The following POU4F2 variants were observed in gnomAD, a reference collection of about 807,000 sequenced individuals.
POU4F2 encodes the protein POU class 4 homeobox 2, also known as POU domain, class 4, transcription factor 2.
POU4F2 carries 10 observed loss-of-function variants against 21.5 expected under a neutral mutation model. The observed-to-expected ratio is 0.46, with a 90% CI of 0.29 to 0.79. POU4F2 has a LOEUF of 0.79. Ranked by LOEUF, POU4F2 falls within the 30% of genes least tolerant of loss-of-function variation. The pLI, the probability that POU4F2 is intolerant of heterozygous loss-of-function variation, is 0.10. For synonymous variants in POU4F2, 324 were observed against 271.1 expected, an observed-to-expected ratio of 1.20 and a Z score of -1.92; for missense variants, 623 against 603.3, an observed-to-expected ratio of 1.03 and a Z score of -0.34.
Position 146,639,980 on chromosome 4 carries a change from C to G in POU4F2, c.402C>G (p.Ser134Arg). The G allele has an allele frequency of 6.2e-7, 1 of 1,613,164 alleles. No homozygotes were observed. Among genetic ancestry groups the G allele is most frequent in the African/African-American group, 1.3e-5 (1 of 75,048 alleles). Residue 134 changes from serine (S) to arginine (R), a missense_variant, in exon 2 of 2, where the codon AGC becomes AGG. This residue lies in a region of POU4F2 where 523 missense variants were observed against 504.1 expected (regional missense o/e 1.04). Coordinates refer to ENST00000281321, the MANE Select transcript of POU4F2 (RefSeq NM_004575.3). ...ACCACCACCATCCACCCCACCACAG[C>G]CCCTTCAAACCGGACGCCACCTACC... Reference protein sequence around the residue: ...KSHHHHPPHHSPFKPDATYHT... With the variant: ...KSHHHHPPHHRPFKPDATYHT...
intron 1 of POU4F2, 131 bp from the exon 2 acceptor site, chr4:146,639,736 T>C (rs1021321640): frequency 3.4e-5 from 33 of 983,636 alleles, no homozygotes; most frequent in Middle Eastern, 2.7e-4. Context: ...AGGATTATTA[T>C]TATTATTATT....
In POU4F2 at chr4:146,640,901, A is replaced by G. The variant is rs1270219860; in HGVS notation, c.*93A>G. On this transcript the variant is annotated 3_prime_UTR_variant, in exon 2 of 2. Transcript: ENST00000281321. This position sits in a 1 kb window ranked among gnomAD's most constrained non-coding sequence, Gnocchi z 4.8. ...TTTTCACTTTTGGCGACTAGAAACAATTCCAGTAAATGTGAATCTCGACAA... is the reference window on the plus strand; with the variant it reads ...TTTTCACTTTTGGCGACTAGAAACAGTTCCAGTAAATGTGAATCTCGACAA... 10 of 1,302,752 alleles carry G rather than the reference A, an allele frequency of 7.7e-6. No individual in the cohort carries two copies. The Admixed American group carries it at 2.8e-4, about 37-fold the overall frequency. The allele number at this position is 1,302,752 out of a possible 1,614,324, so 80.7% of individuals were successfully genotyped here.
chr4:146,640,929 C>G lies in POU4F2; in HGVS notation c.*121C>G. On this transcript the variant is annotated 3_prime_UTR_variant, in exon 2 of 2. Transcript: ENST00000281321. The surrounding 1 kb of genome is among the most constrained non-coding windows in gnomAD (Gnocchi z 4.8). ...CCAGTAAATGTGAATCTCGACAAAT[C>G]GAGGACTGAAGAGGGAGCGAACGAG... 8.8e-7 allele frequency: 1 copy of G among 1,130,698 alleles called. No homozygotes were observed. Among genetic ancestry groups the G allele is most frequent in the South Asian group, 1.7e-5 (1 of 57,490 alleles). 70.0% of individuals were successfully genotyped at this position (1,130,698 alleles called of 1,614,324 possible).
At position 146,639,239 on chromosome 4, in the gene POU4F2, G is replaced by T. The variant is rs746499405; in HGVS notation, c.99G>T (p.Ser33=). ...AGTACTCGGCACTGCACAGCACCTC[G>T]CCGGGCTCCTCGGCTCCCATCGCGC... ...EPKYSALHST[S]PGSSAPIAPS... Residue 33 remains serine (S), a synonymous_variant, in exon 1 of 2, where the codon TCG becomes TCT. Coordinates refer to ENST00000281321, the MANE Select transcript of POU4F2 (RefSeq NM_004575.3). The T allele has an allele frequency of 1.9e-6, 3 of 1,591,164 alleles. No individual in the cohort carries two copies. Among genetic ancestry groups the T allele is most frequent in the African/African-American group, 1.4e-5 (1 of 72,406 alleles).
chr4:146,639,077 G>C lies in POU4F2; in HGVS notation c.-64G>C. The C allele has an allele frequency of 6.4e-7, 1 of 1,553,074 alleles. No individual in the cohort carries two copies. Among genetic ancestry groups the C allele is most frequent in the Non-Finnish European group, 8.6e-7 (1 of 1,156,540 alleles). On this transcript the variant is annotated 5_prime_UTR_variant, in exon 1 of 2. Coordinates refer to ENST00000281321, the MANE Select transcript of POU4F2 (RefSeq NM_004575.3). Reference sequence around the variant, plus strand: ...AGCCCCGGCTGGCCCGGCACTTCTCGGAGGGTCCCGGCAGCCGGGACCAGT... The same window carrying C: ...AGCCCCGGCTGGCCCGGCACTTCTCCGAGGGTCCCGGCAGCCGGGACCAGT...
At position 146,639,114 on chromosome 4, in the gene POU4F2, C is replaced by A; in HGVS notation, c.-27C>A. On this transcript the variant is annotated 5_prime_UTR_variant, in exon 1 of 2. Coordinates refer to ENST00000281321, the MANE Select transcript of POU4F2 (RefSeq NM_004575.3). ...CAGCCGGGACCAGTGAGTGCCTCTA[C>A]GGACCAGCGCCCCGGCGGGCGGGAA... 4 of 1,597,728 alleles carry A rather than the reference C, an allele frequency of 2.5e-6. No individual in the cohort carries two copies. The South Asian group carries it at 4.5e-5, about 18-fold the overall frequency.
chr4:146,640,203 G>A lies in POU4F2; in HGVS notation c.625G>A (p.Asp209Asn), dbSNP rs1398191555. Reference protein sequence around the residue: ...GLALGAMAGPDGAVVSTPAHA... With the variant: ...GLALGAMAGPNGAVVSTPAHA... ...GGCCCTGGGCGCTATGGCGGGCCCC[G>A]ACGGCGCTGTGGTGTCCACGCCGGC... Residue 209 changes from aspartate to asparagine, a missense_variant, in exon 2 of 2, where the codon GAC (aspartate) becomes AAC (asparagine). Physicochemically the swap from Asp to Asn is conservative, Grantham distance 23 (BLOSUM62 1). Coordinates refer to ENST00000281321, the MANE Select transcript of POU4F2 (RefSeq NM_004575.3). This position sits in a 1 kb window ranked among gnomAD's most constrained non-coding sequence, Gnocchi z 4.8. The A allele has an allele frequency of 1.3e-6, 2 of 1,568,270 alleles. No individual in the cohort carries two copies. Among genetic ancestry groups the A allele is most frequent in the East Asian group, 2.4e-5 (1 of 42,486 alleles).
In POU4F2 at chr4:146,640,619, C is replaced by G; in HGVS notation, c.1041C>G (p.Arg347=). The G allele has an allele frequency of 3.1e-6, 5 of 1,614,240 alleles. No individual in the cohort carries two copies. Among genetic ancestry groups the G allele is most frequent in the Non-Finnish European group, 4.2e-6 (5 of 1,180,030 alleles). The change falls in exon 2 of 2, where the codon CGC becomes CGG. Residue 347 remains arginine, a synonymous_variant. Transcript: ENST00000281321. The surrounding 1 kb of genome is among the most constrained non-coding windows in gnomAD (Gnocchi z 4.8). ...TCTTCAATGGCGCGGAGAAGAAGCG[C>G]AAGCGCACGTCCATCGCTGCGCCAG... ...PELFNGAEKK[R]KRTSIAAPEK... is the part of the protein sequence containing the mutation.
rs1488827808 is a variant in POU4F2, at chr4:146,640,424, G to A, written c.846G>A (p.Ala282=). ...TGACCCAGGCAGATGTGGGCTCCGC[G>A]CTGGCCAACCTCAAGATCCCCGGCG... The part of the protein sequence containing the change: ...LGVTQADVGS[A]LANLKIPGVG... The change falls in exon 2 of 2, where the codon GCG becomes GCA. Residue 282 remains alanine (A), a synonymous_variant. Transcript: ENST00000281321. This position sits in a 1 kb window ranked among gnomAD's most constrained non-coding sequence, Gnocchi z 4.8. 1.2e-6 allele frequency: 2 copies of A among 1,612,382 alleles called. No individual in the cohort carries two copies. The highest frequency in any genetic ancestry group is 2.2e-5 in the South Asian group (2 of 91,080).
chr4:146,639,619 G>C (rs1213493165), intron 1 of POU4F2, among the ~76,000 whole-genome samples, 191 bp downstream of exon 1: 1 of 151,808 alleles, frequency 6.6e-6, no homozygotes, highest in Non-Finnish European at 1.5e-5. Context: ...TTGCCTGTGC[G>C]CGTGTTGTGT....
At position 146,641,138 on chromosome 4, in the gene POU4F2, A is replaced by C; in HGVS notation, c.*330A>C. 4.4e-6 allele frequency: 1 copy of C among 228,212 alleles called. No homozygotes were observed. The highest frequency in any genetic ancestry group is 8.4e-6 in the Non-Finnish European group (1 of 119,102). The allele number at this position is 228,212 out of a possible 1,614,324, so 14.1% of individuals were successfully genotyped here. On this transcript the variant is annotated 3_prime_UTR_variant, in exon 2 of 2. Coordinates refer to ENST00000281321, the MANE Select transcript of POU4F2 (RefSeq NM_004575.3). ...CGAGACAGTGTTTAAAAAGTCCACAAGAATGATCAAGTAAGATTTGTTTTT... is the reference window on the plus strand; with the variant it reads ...CGAGACAGTGTTTAAAAAGTCCACACGAATGATCAAGTAAGATTTGTTTTT...
chr4:146,640,255 A>G lies in POU4F2; in HGVS notation c.677A>G (p.Asn226Ser). 1 of 1,577,288 alleles carries G rather than the reference A, an allele frequency of 6.3e-7. No individual in the cohort carries two copies. The highest frequency in any genetic ancestry group is 8.6e-7 in the Non-Finnish European group (1 of 1,166,082). The change falls in exon 2 of 2, where the codon AAC becomes AGC. Residue 226 changes from asparagine (N) to serine (S), a missense_variant. Physicochemically the swap from Asn to Ser is conservative, Grantham distance 46 (BLOSUM62 1). This residue lies in a region of POU4F2 where 523 missense variants were observed against 504.1 expected (regional missense o/e 1.04). Transcript: ENST00000281321. This position sits in a 1 kb window ranked among gnomAD's most constrained non-coding sequence, Gnocchi z 4.8. Reference sequence around the variant, plus strand: ...CACGCGCCGCACATGGCCACCATGAACCCCATGCACCAAGCAGCGCTCAGC... The same window carrying G: ...CACGCGCCGCACATGGCCACCATGAGCCCCATGCACCAAGCAGCGCTCAGC... ...PAHAPHMATM[N>S]PMHQAALSMA...
At position 146,639,128 on chromosome 4, in the gene POU4F2, G is replaced by A. The variant is rs755908399; in HGVS notation, c.-13G>A. The A allele has an allele frequency of 6.9e-6, 11 of 1,601,102 alleles. No homozygotes were observed. In the South Asian group the frequency reaches 9.0e-5, roughly 13 times the overall value. On this transcript the variant is annotated 5_prime_UTR_variant, in exon 1 of 2. Transcript: ENST00000281321. ...GAGTGCCTCTACGGACCAGCGCCCC[G>A]GCGGGCGGGAAGATGATGATGATGT...
Position 146,640,169 on chromosome 4 carries a change from T to C in POU4F2, c.591T>C (p.Ser197=), listed in dbSNP as rs1740849641. Residue 197 remains serine, a synonymous_variant, in exon 2 of 2, where the codon AGT becomes AGC. Transcript: ENST00000281321. This position sits in a 1 kb window ranked among gnomAD's most constrained non-coding sequence, Gnocchi z 4.8. ...ALEGELLEHL[S]PGLALGAMAG... ...AGGGCGAGCTGCTGGAGCACCTGAG[T>C]CCCGGGCTGGCCCTGGGCGCTATGG... 1.3e-6 allele frequency: 2 copies of C among 1,591,402 alleles called. No individual in the cohort carries two copies. Among genetic ancestry groups the C allele is most frequent in the Non-Finnish European group, 8.5e-7 (1 of 1,175,394 alleles).
Position 146,640,826 on chromosome 4 carries a change from C to A in POU4F2, c.*18C>A. 6.4e-7 allele frequency: 1 copy of A among 1,554,928 alleles called. No homozygotes were observed. The highest frequency in any genetic ancestry group is 8.7e-7 in the Non-Finnish European group (1 of 1,153,420). On this transcript the variant is annotated 3_prime_UTR_variant, in exon 2 of 2. Coordinates refer to ENST00000281321, the MANE Select transcript of POU4F2 (RefSeq NM_004575.3). The surrounding 1 kb of genome is among the most constrained non-coding windows in gnomAD (Gnocchi z 4.8). ...GCATTTAGAAGACTCTTGGCCTCTC[C>A]AGAGACGCCCCTTTCCTCGTCCGCT...
chr4:146,639,765 T>G, intron 1 of POU4F2, 102 bp from the exon 2 acceptor site: 1 of 1,163,344 alleles, frequency 8.6e-7, no homozygotes. Flanking sequence ...CTGGGAATGT[T>G]GTAGGCGCGG....
chr4:146,639,162 A>T lies in POU4F2; in HGVS notation c.22A>T (p.Ser8Cys). MMMMSLN[S>C]KQAFSMPHGG... is the part of the protein sequence containing the mutation. ...GAAGATGATGATGATGTCCCTGAAC[A>T]GCAAGCAGGCGTTTAGCATGCCGCA... The change falls in exon 1 of 2, where the codon AGC becomes TGC. Residue 8 changes from serine to cysteine, a missense_variant. Coordinates refer to ENST00000281321, the MANE Select transcript of POU4F2 (RefSeq NM_004575.3). 6.2e-7 allele frequency: 1 copy of T among 1,607,922 alleles called. No homozygotes were observed.
intron 1 of POU4F2, 105 bp downstream of exon 1, chr4:146,639,533 A>G (rs926076093): frequency 1.4e-6 from 2 of 1,405,820 alleles, no homozygotes; most frequent in African/African-American, 3.0e-5. Context: ...CCACACCTCC[A>G]ACCAATTTTC....
At position 146,639,221 on chromosome 4, in the gene POU4F2, G is replaced by C. The variant is rs993606057; in HGVS notation, c.81G>C (p.Ser27=). 3 of 1,603,426 alleles carry C rather than the reference G, an allele frequency of 1.9e-6. No individual in the cohort carries two copies. The highest frequency in any genetic ancestry group is 1.1e-5 in the South Asian group (1 of 89,710). The change falls in exon 1 of 2, where the codon TCG becomes TCC. Residue 27 remains serine, a synonymous_variant. Coordinates refer to ENST00000281321, the MANE Select transcript of POU4F2 (RefSeq NM_004575.3). ...GGSLHVEPKY[S]ALHSTSPGSS... Reference sequence around the variant, plus strand: ...GCCTGCACGTGGAGCCCAAGTACTCGGCACTGCACAGCACCTCGCCGGGCT... The same window carrying C: ...GCCTGCACGTGGAGCCCAAGTACTCCGCACTGCACAGCACCTCGCCGGGCT...
Sources: gnomAD v4.1 joint callset for allele counts (sites outside exome capture counted in the v4.1 genomes callset) on GRCh38, gnomAD v4.1.1 for gene constraint, gnomAD v4.1.1 regional missense constraint, Gnocchi (gnomAD v3.1) non-coding constraint, MANE v1.5 for transcripts, NCBI Gene and HGNC (gene_info 2026-07-23, HGNC 2026-07-21) for gene names.